Variants in OXNAD1 observed in about 807,000 individuals in gnomAD.
The protein encoded by OXNAD1 is oxidoreductase NAD-binding domain-containing protein 1.
OXNAD1 carries 34 observed loss-of-function variants against 32.9 expected under a neutral mutation model. That is an observed-to-expected ratio of 1.03 (90% CI 0.79 to 1.38). The LOEUF (loss-of-function observed/expected upper bound fraction) is 1.38, where lower values mean the gene tolerates loss of function less well. Among genes scored for constraint, OXNAD1 ranks in the 40% most tolerant of loss-of-function variants. The pLI is 0.00. For missense variants in OXNAD1, 407 were observed against 379.4 expected, an observed-to-expected ratio of 1.07 and a Z score of -0.60; for synonymous variants, 134 against 135.2, an observed-to-expected ratio of 0.99 and a Z score of 0.06.
At chr3:16,279,901 G>T (rs1004309906) in intron 4 of OXNAD1, among the ~76,000 whole-genome samples, 25 of 152,168 alleles carry the variant, frequency 1.6e-4, no homozygotes, top group Admixed American at 1.3e-4. Context: ...GTTGTAATAT[G>T]AATGGGAGCA....
intron 9 of OXNAD1, among the ~76,000 whole-genome samples, chr3:16,332,172 A>ATTT: frequency 6.6e-6 from 1 of 151,652 alleles, no homozygotes; most frequent in East Asian, 1.9e-4. Context: ...TGAAAAATGT[A>ATTT]TTTTTCCCCC....
At chr3:16,293,285 T>C (rs989999463) in intron 5 of OXNAD1, among the ~76,000 whole-genome samples, 2 of 152,246 alleles carry the variant, frequency 1.3e-5, no homozygotes, top group African/African-American at 4.8e-5. Context: ...TTTATGCTAT[T>C]ATAAGTGTAA....
Position 16,327,977 on chromosome 3 carries a change from G to A in OXNAD1, c.*31-9135G>A, listed in dbSNP as rs1056559928. On this transcript the variant is annotated intron_variant, in intron 9 of 9. Coordinates refer to the OXNAD1 transcript ENST00000435829. The surrounding 1 kb of genome is among the most constrained non-coding windows in gnomAD (Gnocchi z 4.2). ...CTCATCCCTCATAGTTTGGCTTCTT[G>A]TAGTTGGCTTCCGAAAATCTCAAAC... 6.6e-6 allele frequency among the ~76,000 whole-genome samples: 1 copy of A among 152,182 alleles called. No homozygotes were observed. Among genetic ancestry groups the A allele is most frequent in the African/African-American group, 2.4e-5 (1 of 41,444 alleles).
chr3:16,339,058 C>T (rs73142386), downstream of OXNAD1, among the ~76,000 whole-genome samples: 4,807 of 152,254 alleles, frequency 0.032, 238 homozygotes, highest in African/African-American at 0.11. Flanking sequence ...TAGCTAACAA[C>T]GAACAGAGCC....
In OXNAD1 at chr3:16,298,578, A is replaced by G. The variant is rs996442580; in HGVS notation, c.433-3048A>G. Among the ~76,000 whole-genome samples the G allele has an allele frequency of 3.9e-5, 6 of 152,008 alleles. No individual in the cohort carries two copies. Among genetic ancestry groups the G allele is most frequent in the Admixed American group, 1.3e-4 (2 of 15,258 alleles). ...TTCTTGGAATCATTTTCAGGTGGCTATTTTCCTCCTGAGGATTTGTCTTAT... is the reference window on the plus strand; with the variant it reads ...TTCTTGGAATCATTTTCAGGTGGCTGTTTTCCTCCTGAGGATTTGTCTTAT... On this transcript the variant is annotated intron_variant, in intron 6 of 8. Coordinates refer to ENST00000285083, the MANE Select transcript of OXNAD1 (RefSeq NM_138381.5). The surrounding 1 kb of genome is among the most constrained non-coding windows in gnomAD (Gnocchi z 5.1).
rs944337726 is a variant in OXNAD1 at position 16,329,004 on chromosome 3, C to T, written c.*31-8108C>T. On this transcript the variant is annotated intron_variant, in intron 9 of 9. Transcript: ENST00000435829. This position sits in a 1 kb window ranked among gnomAD's most constrained non-coding sequence, Gnocchi z 4.5. The stretch of plus-strand genomic sequence containing the variant: ...TTTGAATGTATCCCCCAAAAAGTTT[C>T]CATGTGTTGAAAACTTAATCCCCAA... 2.6e-5 allele frequency among the ~76,000 whole-genome samples: 4 copies of T among 152,192 alleles called. No homozygotes were observed. The highest frequency in any genetic ancestry group is 5.9e-5 in the Non-Finnish European group (4 of 68,032).
chr3:16,268,704 A>G (rs1247939762), intron 1 of OXNAD1, among the ~76,000 whole-genome samples: 1 of 152,210 alleles, frequency 6.6e-6, no homozygotes, highest in Non-Finnish European at 1.5e-5. Context: ...CATAATCATT[A>G]AATGATGTAT....
At position 16,335,067 on chromosome 3, in the gene OXNAD1, C is replaced by T. The variant is rs960841294; in HGVS notation, c.*31-2045C>T. On this transcript the variant is annotated intron_variant, in intron 9 of 9. Coordinates refer to the OXNAD1 transcript ENST00000435829. The surrounding 1 kb of genome is among the most constrained non-coding windows in gnomAD (Gnocchi z 4.7). Reference sequence around the variant, plus strand: ...GTCCTGTCAACACCTTGGTTTTAGCCCCTTAATACTCATTTCAGACTTCTG... The same window carrying T: ...GTCCTGTCAACACCTTGGTTTTAGCTCCTTAATACTCATTTCAGACTTCTG... 3.9e-5 allele frequency among the ~76,000 whole-genome samples: 6 copies of T among 152,300 alleles called. No individual in the cohort carries two copies. Among genetic ancestry groups the T allele is most frequent in the Admixed American group, 2.6e-4 (4 of 15,294 alleles).
chr3:16,344,398 G>A lies in OXNAD1; in HGVS notation c.*31-4778G>A, dbSNP rs1426942650. ...CTATAATCTAATTTAGAAACAACAT[G>A]TAAAAACAGATACATTCAGAAAAGG... On this transcript the variant is annotated intron_variant, in intron 9 of 9. Transcript: ENST00000606098. This position sits in a 1 kb window ranked among gnomAD's most constrained non-coding sequence, Gnocchi z 4.4. 6.6e-6 allele frequency among the ~76,000 whole-genome samples: 1 copy of A among 151,884 alleles called. No homozygotes were observed. Among genetic ancestry groups the A allele is most frequent in the Non-Finnish European group, 1.5e-5 (1 of 67,994 alleles).
chr3:16,287,552 A>G lies in OXNAD1; in HGVS notation c.290+1104A>G, dbSNP rs2066155200. Among the ~76,000 whole-genome samples, 1 of 152,250 alleles carries G rather than the reference A, an allele frequency of 6.6e-6. No homozygotes were observed. Among genetic ancestry groups the G allele is most frequent in the Non-Finnish European group, 1.5e-5 (1 of 68,040 alleles). On this transcript the variant is annotated intron_variant, in intron 5 of 8. Transcript: ENST00000285083. This position sits in a 1 kb window ranked among gnomAD's most constrained non-coding sequence, Gnocchi z 4.8. ...AAATGGTTTAGCAGTCATTATATTG[A>G]AAAGTGGAAACTTTAATTGTAATGA...
At position 16,288,019 on chromosome 3, in the gene OXNAD1, C is replaced by T. The variant is rs571124675; in HGVS notation, c.290+1571C>T. ...CCCAGGTGTTGATCAGCATTCATTC[C>T]AGGCCCCTGGGCCCTCCTCTTTCAA... On this transcript the variant is annotated intron_variant, in intron 5 of 8. Coordinates refer to ENST00000285083, the MANE Select transcript of OXNAD1 (RefSeq NM_138381.5). The surrounding 1 kb of genome is among the most constrained non-coding windows in gnomAD (Gnocchi z 5.1). Among the ~76,000 whole-genome samples, 1 of 152,288 alleles carries T rather than the reference C, an allele frequency of 6.6e-6. No individual in the cohort carries two copies. The highest frequency in any genetic ancestry group is 2.1e-4 in the South Asian group (1 of 4,828).
At position 16,312,723 on chromosome 3, in the gene OXNAD1, AAT is replaced by A. The variant is rs1247097494; in HGVS notation, c.*30+9134_*30+9135del. 6.6e-6 allele frequency among the ~76,000 whole-genome samples: 1 copy of A among 152,198 alleles called. No homozygotes were observed. The highest frequency in any genetic ancestry group is 1.5e-5 in the Non-Finnish European group (1 of 68,036). The stretch of plus-strand genomic sequence containing the variant: ...TTGTGGTTTAGAGAGGGCCATGATG[AAT>A]ATGTTTAGAGTACTGATAAAATGTG... On this transcript the variant is annotated intron_variant, in intron 9 of 9. Coordinates refer to the OXNAD1 transcript ENST00000435829. The surrounding 1 kb of genome is among the most constrained non-coding windows in gnomAD (Gnocchi z 4.7).
In OXNAD1 at chr3:16,346,760, G is replaced by A. The variant is rs1013674360; in HGVS notation, c.*31-2416G>A. 3.9e-5 allele frequency among the ~76,000 whole-genome samples: 6 copies of A among 152,152 alleles called. No homozygotes were observed. Among genetic ancestry groups the A allele is most frequent in the African/African-American group, 1.4e-4 (6 of 41,428 alleles). On this transcript the variant is annotated intron_variant, in intron 9 of 9. Transcript: ENST00000606098. The surrounding 1 kb of genome is among the most constrained non-coding windows in gnomAD (Gnocchi z 4.4). ...AGGAAAAAACTGCCCCGTTCTTCACGGTTGTCATCACATTTGCATGAGACA... is the reference window on the plus strand; with the variant it reads ...AGGAAAAAACTGCCCCGTTCTTCACAGTTGTCATCACATTTGCATGAGACA...
At chr3:16,315,598 T>C (rs1022415603) in intron 9 of OXNAD1, 1 of 152,222 alleles carries the variant, frequency 6.6e-6, no homozygotes, top group Non-Finnish European at 1.5e-5. Flanking sequence ...ATCCCAGAAA[T>C]GGGAGGTGGC....
rs149430143 is a variant in OXNAD1, at chr3:16,301,131, T to G, written c.433-495T>G. On this transcript the variant is annotated intron_variant, in intron 6 of 8. Transcript: ENST00000285083. The surrounding 1 kb of genome is among the most constrained non-coding windows in gnomAD (Gnocchi z 4.1). ...GGCTGGTCTAAGCCTGTAGAGCTGG[T>G]CTGGCTGTGCCTTACTGAGGATCAA... Among the ~76,000 whole-genome samples the G allele has an allele frequency of 2.6e-5, 4 of 152,334 alleles. No homozygotes were observed. Among genetic ancestry groups the G allele is most frequent in the South Asian group, 2.1e-4 (1 of 4,830 alleles).
downstream of OXNAD1, among the ~76,000 whole-genome samples, chr3:16,308,999 G>A (rs573632749): frequency 2.0e-4 from 31 of 151,534 alleles, no homozygotes; most frequent in African/African-American, 5.8e-4. The surrounding 1 kb of genome is among the most constrained non-coding windows in gnomAD (Gnocchi z 4.4). Context: ...AAATGCTGAC[G>A]TTCTCTTCTC....
In OXNAD1 at chr3:16,265,761, A is replaced by T. The variant is rs1239639391; in HGVS notation, c.-159+256A>T. The T allele has an allele frequency of 3.6e-5, 21 of 582,350 alleles. No homozygotes were observed. Among genetic ancestry groups the T allele is most frequent in the Admixed American group, 6.4e-5 (1 of 15,740 alleles). The allele number at this position is 582,350 out of a possible 1,614,324, so 36.1% of individuals were successfully genotyped here. A position where few individuals can be genotyped will look rare whatever the true frequency, so the allele number is the denominator to read the frequency against. On this transcript the variant is annotated intron_variant, in intron 1 of 8. Coordinates refer to ENST00000285083, the MANE Select transcript of OXNAD1 (RefSeq NM_138381.5). The surrounding 1 kb of genome is among the most constrained non-coding windows in gnomAD (Gnocchi z 4.8). ...TGTTATTCCATTTTATTAATCTTTAAACTGAGGTACAGAGAGTTGGGCATC... is the reference window on the plus strand; with the variant it reads ...TGTTATTCCATTTTATTAATCTTTATACTGAGGTACAGAGAGTTGGGCATC...
At chr3:16,343,413 T>C (rs2071437131) in intron 9 of OXNAD1, among the ~76,000 whole-genome samples, 1 of 152,212 alleles carries the variant, frequency 6.6e-6, no homozygotes. Flanking sequence ...TTCAAAGATA[T>C]GAGGAAGCCA....
chr3:16,345,855 T>TGTGTGTGTGTGC lies in OXNAD1; in HGVS notation c.*31-3321_*31-3320insGTGTGTGTGTGC, dbSNP rs1559843974. Among the ~76,000 whole-genome samples the TGTGTGTGTGTGC allele has an allele frequency of 1.5e-4, 9 of 61,756 alleles. No individual in the cohort carries two copies. Among genetic ancestry groups the TGTGTGTGTGTGC allele is most frequent in the Admixed American group, 4.3e-4 (3 of 7,028 alleles). The allele number at this position is 61,756 out of a possible 152,430, so 40.5% of individuals were successfully genotyped here. A position where few individuals can be genotyped will look rare whatever the true frequency, so the allele number is the denominator to read the frequency against. ...GCGCGCACGCGCACATGTGCATGTG[T>TGTGTGTGTGTGC]ATGTGTATAATCTCCTACTGGTTCT... On this transcript the variant is annotated intron_variant, in intron 9 of 9. Transcript: ENST00000606098. The surrounding 1 kb of genome is among the most constrained non-coding windows in gnomAD (Gnocchi z 5.2).
Sources: gnomAD v4.1 joint callset for allele counts (sites outside exome capture counted in the v4.1 genomes callset) on GRCh38, gnomAD v4.1.1 for gene constraint, Gnocchi (gnomAD v3.1) non-coding constraint, MANE v1.5 for transcripts, NCBI Gene and HGNC (gene_info 2026-07-23, HGNC 2026-07-21) for gene names.